Variants in CSNK1A1 observed in about 807,000 individuals in gnomAD.
CSNK1A1 encodes the protein casein kinase 1 alpha 1.
In CSNK1A1, 7 loss-of-function variants were observed where a neutral mutation model predicts 46.1. That is an observed-to-expected ratio of 0.15 (90% confidence interval 0.09 to 0.29). CSNK1A1 has a LOEUF of 0.29. Among genes scored for constraint, CSNK1A1 ranks in the 10% least tolerant of loss-of-function variants. CSNK1A1 has a pLI of 1.00. For synonymous variants in CSNK1A1, 137 were observed against 141.5 expected, an observed-to-expected ratio of 0.97 and a Z score of 0.23; for missense variants, 96 against 417.1, an observed-to-expected ratio of 0.23 and a Z score of 6.71.
intron 9 of CSNK1A1, chr5:149,501,086 G>C: frequency 2.0e-6 from 2 of 985,394 alleles, no homozygotes; most frequent in Non-Finnish European, 2.4e-6. Flanking sequence ...TAGCAACGCT[G>C]TATTCTTCTA....
chr5:149,508,062 G>A (rs1338063863), intron 7 of CSNK1A1, among the ~76,000 whole-genome samples: 1 of 152,178 alleles, frequency 6.6e-6, no homozygotes, highest in African/African-American at 2.4e-5. Flanking sequence ...TCCTCTCCTA[G>A]AGTAAATGCC....
intron 3 of CSNK1A1, 119 bp from the exon 4 acceptor site, chr5:149,520,507 GA>G: frequency 6.6e-6 from 4 of 606,888 alleles, no homozygotes; most frequent in Non-Finnish European, 1.1e-5. Flanking sequence ...TAAAGAAAAT[GA>G]AATGGAAAGG....
At chr5:149,542,838 G>A (rs954537501) in intron 2 of CSNK1A1, among the ~76,000 whole-genome samples, 1 of 149,192 alleles carries the variant, frequency 6.7e-6, no homozygotes, top group African/African-American at 2.5e-5. Flanking sequence ...TGGGACTACA[G>A]GCACACACCA....
At chr5:149,542,668 ATATGTATATATATATATATATATATT>A (rs1762332650) in intron 2 of CSNK1A1, among the ~76,000 whole-genome samples, 1 of 11,700 alleles carries the variant, frequency 8.5e-5, no homozygotes, top group Non-Finnish European at 1.3e-4. Context: ...ATATATATAT[ATATGTATATATATATATATATATATT>A]TTTTTTTTTT....
At chr5:149,515,797 C>A (rs1229136986) in intron 4 of CSNK1A1, among the ~76,000 whole-genome samples, 1 of 152,052 alleles carries the variant, frequency 6.6e-6, no homozygotes, top group Non-Finnish European at 1.5e-5. Flanking sequence ...AACCAAAAAG[C>A]TGTAAATATG....
chr5:149,498,945 T>C, intron 9 of CSNK1A1: 1 of 985,434 alleles, frequency 1.0e-6, no homozygotes, highest in African/African-American at 1.7e-5. Flanking sequence ...TGATTACAAT[T>C]GTTTAGAAAC....
intron 2 of CSNK1A1, among the ~76,000 whole-genome samples, chr5:149,540,321 C>A (rs1053130447): frequency 2.2e-4 from 33 of 152,174 alleles, no homozygotes; most frequent in African/African-American, 7.0e-4. Context: ...AATGTACTCT[C>A]TTCAGCTAAA....
intron 4 of CSNK1A1, among the ~76,000 whole-genome samples, chr5:149,514,424 T>C (rs1172081599): frequency 6.6e-6 from 1 of 152,240 alleles, no homozygotes; most frequent in Non-Finnish European, 1.5e-5. Flanking sequence ...TTTTGGCTTT[T>C]GTCATAAAAT....
At chr5:149,548,221 A>G (rs1762539749) in intron 2 of CSNK1A1, among the ~76,000 whole-genome samples, 1 of 152,148 alleles carries the variant, frequency 6.6e-6, no homozygotes, top group South Asian at 2.1e-4. Flanking sequence ...TGTAAAGACT[A>G]TGCAACCCAG....
intron 4 of CSNK1A1, among the ~76,000 whole-genome samples, chr5:149,515,559 T>A (rs1054724720): frequency 6.6e-6 from 1 of 151,932 alleles, no homozygotes; most frequent in Non-Finnish European, 1.5e-5. Flanking sequence ...TGAAAATACA[T>A]CAGGAAAAAA....
Position 149,550,494 on chromosome 5 carries a change from G to A in CSNK1A1, c.124-313C>T, listed in dbSNP as rs58424921. Reference sequence around the variant, plus strand: ...GAAACTGTTCTAATTGGAACAAGAGGCCCAGTAGAATTAAGAATTAAAAAA... The same window carrying A: ...GAAACTGTTCTAATTGGAACAAGAGACCCAGTAGAATTAAGAATTAAAAAA... On this transcript the variant is annotated intron_variant, in intron 1 of 9. Coordinates refer to ENST00000377843, the MANE Select transcript of CSNK1A1 (RefSeq NM_001892.6). This position sits in a 1 kb window ranked among gnomAD's most constrained non-coding sequence, Gnocchi z 4.3. Among the ~76,000 whole-genome samples, 158 of 138,060 alleles carry A rather than the reference G, an allele frequency of 1.1e-3. 2 individuals are homozygous for A. The East Asian group carries it at 0.028, about 25-fold the overall frequency. 90.6% of individuals were successfully genotyped at this position (138,060 alleles called of 152,430 possible). A position where few individuals can be genotyped will look rare whatever the true frequency, so the allele number is the denominator to read the frequency against.
chr5:149,501,846 C>A (rs1443817718), intron 9 of CSNK1A1: 1 of 974,270 alleles, frequency 1.0e-6, no homozygotes, highest in Non-Finnish European at 1.2e-6. Context: ...TTTTGATAAT[C>A]ACATATAGTC....
chr5:149,508,231 T>A (rs1761097845), intron 7 of CSNK1A1, among the ~76,000 whole-genome samples: 1 of 152,172 alleles, frequency 6.6e-6, no homozygotes, highest in Admixed American at 6.5e-5. Flanking sequence ...TTTTTATTGA[T>A]TGCACCGATA....
intron 7 of CSNK1A1, among the ~76,000 whole-genome samples, chr5:149,508,246 T>C (rs76189549): frequency 1.9e-3 from 284 of 152,314 alleles, no homozygotes; most frequent in Non-Finnish European, 3.1e-3. Context: ...CCGATATAAA[T>C]TGGGTGACCA....
At chr5:149,496,958 T>G in intron 9 of CSNK1A1, 98 bp from the exon 10 acceptor site, 1 of 1,490,388 alleles carries the variant, frequency 6.7e-7, no homozygotes, top group Non-Finnish European at 8.8e-7. Context: ...GAGCCAATAA[T>G]TATAGTGGCT....
rs1197307666 is a variant in CSNK1A1 at position 149,551,235 on chromosome 5, CCTCGCTTGCGCGGCGACGTCGCGGG to C, written c.-296_-272del. 2 of 327,044 alleles carry C rather than the reference CCTCGCTTGCGCGGCGACGTCGCGGG, an allele frequency of 6.1e-6. No homozygotes were observed. Among genetic ancestry groups the C allele is most frequent in the Non-Finnish European group, 1.1e-5 (2 of 175,414 alleles). The allele number at this position is 327,044 out of a possible 1,614,324, so 20.3% of individuals were successfully genotyped here. On this transcript the variant is annotated 5_prime_UTR_variant, in exon 1 of 10. Transcript: ENST00000377843. ...ACTTGTTTCTCGGCGGCCGCCGCTG[CCTCGCTTGCGCGGCGACGTCGCGGG>C]CTGGAAAAGGGGCGCGGTGAGCTAG...
intron 2 of CSNK1A1, among the ~76,000 whole-genome samples, chr5:149,531,693 C>CAAAAA (rs60488526): frequency 7.3e-6 from 1 of 136,664 alleles, no homozygotes. Flanking sequence ...ACTAAAAATA[C>CAAAAA]AAAAAAAAAA....
At position 149,547,410 on chromosome 5, in the gene CSNK1A1, T is replaced by C. The variant is rs151125381; in HGVS notation, c.230+2665A>G. Among the ~76,000 whole-genome samples the C allele has an allele frequency of 5.2e-4, 79 of 152,372 alleles. 1 individual carries two copies. Among genetic ancestry groups the C allele is most frequent in the African/African-American group, 1.8e-3 (73 of 41,596 alleles). On this transcript the variant is annotated intron_variant, in intron 2 of 9. Coordinates refer to ENST00000377843, the MANE Select transcript of CSNK1A1 (RefSeq NM_001892.6). The stretch of plus-strand genomic sequence containing the variant: ...ATAAAAGCTACCAGATAAAAGGACA[T>C]GTACTGTACTTGGGTTTAGCACTGA...
intron 3 of CSNK1A1, among the ~76,000 whole-genome samples, chr5:149,523,637 G>GA (rs1421583633): frequency 1.3e-5 from 2 of 152,218 alleles, no homozygotes; most frequent in Non-Finnish European, 2.9e-5. Flanking sequence ...GCTGATTACA[G>GA]AAAATGGGCA....
Sources: gnomAD v4.1 joint callset for allele counts (sites outside exome capture counted in the v4.1 genomes callset) on GRCh38, gnomAD v4.1.1 for gene constraint, Gnocchi (gnomAD v3.1) non-coding constraint, MANE v1.5 for transcripts, NCBI Gene and HGNC (gene_info 2026-07-23, HGNC 2026-07-21) for gene names.